Variants in EIF4H observed in about 807,000 individuals in gnomAD.
The protein encoded by EIF4H is eukaryotic translation initiation factor 4H, also known as Williams-Beuren syndrome chromosome region 1.
A neutral mutation model predicts 30.6 loss-of-function variants in EIF4H; 8 were observed. The ratio of observed to expected loss-of-function variants is 0.26; its 90% CI spans 0.15 to 0.47. EIF4H has a LOEUF of 0.47. EIF4H is among the 20% of genes least tolerant of loss of function. EIF4H has a pLI of 0.99. For synonymous variants in EIF4H, 106 were observed against 122.7 expected (o/e 0.86, Z 0.90); for missense variants, 188 against 339.5 (o/e 0.55, Z 3.51).
At chr7:74,176,063 C>T (rs1294122641) in intron 1 of EIF4H, among the ~76,000 whole-genome samples, 5 of 152,184 alleles carry the variant, frequency 3.3e-5, no homozygotes, top group African/African-American at 1.2e-4. Context: ...CACTGTGCAT[C>T]ACTTGAACTT....
chr7:74,193,811 CTG>C (rs1801281565), intron 5 of EIF4H, among the ~76,000 whole-genome samples: 1 of 152,244 alleles, frequency 6.6e-6, no homozygotes, highest in East Asian at 1.9e-4. Context: ...GTGAGTCTCA[CTG>C]TGTTGCCCAG....
rs1801326980 is a variant in EIF4H at position 74,195,531 on chromosome 7, C to T, written c.*223C>T. ...TGCCTGTTTGTGCGTTTTTTTCTTT[C>T]TTCCGCTGCTTCCCCATTTTCCTTC... On this transcript the variant is annotated 3_prime_UTR_variant, in exon 7 of 7. Coordinates refer to ENST00000265753, the MANE Select transcript of EIF4H (RefSeq NM_022170.2). The T allele has an allele frequency of 4.9e-6, 2 of 410,998 alleles. No individual in the cohort carries two copies. The highest frequency in any genetic ancestry group is 3.9e-5 in the East Asian group (1 of 25,932). The allele number at this position is 410,998 out of a possible 1,614,324, so 25.5% of individuals were successfully genotyped here.
chr7:74,185,698 TTG>T (rs774946883), intron 1 of EIF4H, among the ~76,000 whole-genome samples: 2 of 152,194 alleles, frequency 1.3e-5, no homozygotes, highest in Non-Finnish European at 2.9e-5. Context: ...GGAATTTCCA[TTG>T]TGTTTCTGGC....
intron 6 of EIF4H, 88 bp downstream of exon 6, chr7:74,194,966 G>GTA: frequency 6.6e-7 from 1 of 1,518,178 alleles, no homozygotes; most frequent in South Asian, 1.3e-5. Context: ...GGCGTTCTAC[G>GTA]GCACACAGAG....
At position 74,185,732 on chromosome 7, in the gene EIF4H, G is replaced by T. The variant is rs184390433; in HGVS notation, c.60-1879G>T. Among the ~76,000 whole-genome samples, 13 of 152,200 alleles carry T rather than the reference G, an allele frequency of 8.5e-5. No homozygotes were observed. In the East Asian group the frequency reaches 2.5e-3, roughly 29 times the overall value. ...TGGCAGTATGTAGATGAAAGACCAG[G>T]TTGCTCTCTAAGATGGATATTAATA... On this transcript the variant is annotated intron_variant, in intron 1 of 6. Coordinates refer to ENST00000265753, the MANE Select transcript of EIF4H (RefSeq NM_022170.2).
rs782266817 is a variant in EIF4H, at chr7:74,174,401, C to T, written c.18C>T (p.Thr6=). 7 of 1,463,120 alleles carry T rather than the reference C, an allele frequency of 4.8e-6. No individual in the cohort carries two copies. Among genetic ancestry groups the T allele is most frequent in the Non-Finnish European group, 6.4e-6 (7 of 1,093,906 alleles). The allele number at this position is 1,463,120 out of a possible 1,614,324, so 90.6% of individuals were successfully genotyped here. Reference sequence around the variant, plus strand: ...GACGGCAAATGGCGGACTTCGACACCTACGACGATCGGGCCTACAGCAGCT... The same window carrying T: ...GACGGCAAATGGCGGACTTCGACACTTACGACGATCGGGCCTACAGCAGCT... The part of the protein sequence containing the change: MADFD[T]YDDRAYSSFG... Residue 6 remains threonine (T), a synonymous_variant, in exon 1 of 7, where the codon ACC becomes ACT. Coordinates refer to ENST00000265753, the MANE Select transcript of EIF4H (RefSeq NM_022170.2).
At chr7:74,176,418 A>G (rs980718140) in intron 1 of EIF4H, among the ~76,000 whole-genome samples, 1 of 152,090 alleles carries the variant, frequency 6.6e-6, no homozygotes, top group Non-Finnish European at 1.5e-5. Context: ...TATTTTAATT[A>G]TGTCCACATG....
chr7:74,175,263 ACT>A (rs1490198276), intron 1 of EIF4H, among the ~76,000 whole-genome samples: 1 of 152,044 alleles, frequency 6.6e-6, no homozygotes, highest in African/African-American at 2.4e-5. Context: ...TAATTCCAGG[ACT>A]CTGCACTTTT....
chr7:74,194,038 A>C (rs1801285473), intron 5 of EIF4H, among the ~76,000 whole-genome samples: 2 of 152,242 alleles, frequency 1.3e-5, no homozygotes, highest in Non-Finnish European at 2.9e-5. Context: ...TTTCTAAATG[A>C]GATGCAGTTT....
intron 5 of EIF4H, chr7:74,191,359 CAGGTGTTATAGAAGTTGCCCACATACTA>C (rs1363669062): frequency 9.9e-6 from 5 of 504,998 alleles, no homozygotes; most frequent in Non-Finnish European, 2.0e-5. Context: ...TTGGTATTCG[CAGGTGTTATAGAAGTTGCCCACATACTA>C]ACGTCTTTCT....
chr7:74,194,688 C>A, intron 5 of EIF4H, 53 bp from the exon 6 acceptor site: 1 of 1,503,482 alleles, frequency 6.7e-7, no homozygotes, highest in Non-Finnish European at 8.9e-7. Context: ...ATTCTATAAG[C>A]AGCTTGGAGA....
intron 5 of EIF4H, 139 bp from the exon 6 acceptor site, chr7:74,194,602 C>A: frequency 7.9e-7 from 1 of 1,258,824 alleles, no homozygotes; most frequent in Non-Finnish European, 1.1e-6. Flanking sequence ...TTTTAACACA[C>A]TTTATTTTGG....
At chr7:74,181,117 A>T (rs1168026249) in intron 1 of EIF4H, among the ~76,000 whole-genome samples, 1 of 152,096 alleles carries the variant, frequency 6.6e-6, no homozygotes, top group Non-Finnish European at 1.5e-5. Context: ...CTAGTTCCAG[A>T]ACCTTTTCAT....
intron 1 of EIF4H, among the ~76,000 whole-genome samples, chr7:74,175,153 C>T (rs1323374894): frequency 6.6e-6 from 1 of 152,220 alleles, no homozygotes; most frequent in Non-Finnish European, 1.5e-5. Flanking sequence ...GAAGGAACCG[C>T]ATTTAGCGTC....
chr7:74,181,906 G>C (rs1800971395), intron 1 of EIF4H, among the ~76,000 whole-genome samples: 1 of 151,830 alleles, frequency 6.6e-6, no homozygotes, highest in African/African-American at 2.4e-5. Context: ...TAGTAGAGAT[G>C]GGGTTTCACC....
At chr7:74,188,438 G>T (rs1801136811) in intron 2 of EIF4H, among the ~76,000 whole-genome samples, 1 of 152,166 alleles carries the variant, frequency 6.6e-6, no homozygotes, top group Non-Finnish European at 1.5e-5. Flanking sequence ...CAGGATGTTT[G>T]GCCCGCATAA....
chr7:74,179,182 C>T (rs1196133275), intron 1 of EIF4H, among the ~76,000 whole-genome samples: 1 of 152,150 alleles, frequency 6.6e-6, no homozygotes, highest in African/African-American at 2.4e-5. Flanking sequence ...AATCCTTGCA[C>T]AGATAAATAG....
At chr7:74,181,301 T>A (rs1176853145) in intron 1 of EIF4H, among the ~76,000 whole-genome samples, 3 of 151,984 alleles carry the variant, frequency 2.0e-5, no homozygotes, top group African/African-American at 7.2e-5. Context: ...ATAGTTCTTA[T>A]TTTTTTAAAT....
chr7:74,189,129 A>G (rs1801150266), intron 2 of EIF4H, among the ~76,000 whole-genome samples: 1 of 152,190 alleles, frequency 6.6e-6, no homozygotes, highest in Non-Finnish European at 1.5e-5. Context: ...CATCAGGGAC[A>G]CAGGTTGTCA....
Sources: allele counts gnomAD v4.1 joint callset (sites outside exome capture counted in the v4.1 genomes callset), GRCh38; gene constraint gnomAD v4.1.1; transcripts MANE v1.5; gene names NCBI Gene and HGNC (gene_info 2026-07-23, HGNC 2026-07-21).